Variants in AGMO observed in about 807,000 individuals in gnomAD.
AGMO encodes glyceryl-ether monooxygenase.
Under a neutral mutation model 60.2 loss-of-function variants are expected in AGMO, and 75 were observed. The observed-to-expected ratio is 1.25, with a 90% CI of 1.03 to 1.51. The LOEUF is 1.51. Among genes scored for constraint, AGMO ranks in the 40% most tolerant of loss-of-function variants. The pLI is 0.00. For missense variants in AGMO, 763 were observed against 525.5 expected (o/e 1.45, Z -4.42); for synonymous variants, 261 against 177.1 (o/e 1.47, Z -3.76).
chr7:15,459,855 T>A (rs1782098860), intron 3 of AGMO, among the ~76,000 whole-genome samples: 1 of 152,158 alleles, frequency 6.6e-6, no homozygotes, highest in Non-Finnish European at 1.5e-5. Context: ...GTCGCCTCAT[T>A]AATTACACTG....
intron 2 of AGMO, among the ~76,000 whole-genome samples, chr7:15,548,102 G>A (rs973364684): frequency 3.9e-4 from 60 of 152,122 alleles, no homozygotes; most frequent in Non-Finnish European, 6.5e-4. Context: ...TGCAGCTGAC[G>A]GTCATGTCTG....
chr7:15,390,521 A>AC, intron 8 of AGMO, 150 bp downstream of exon 8: 1 of 510,578 alleles, frequency 2.0e-6, no homozygotes, highest in Non-Finnish European at 3.4e-6. Context: ...TTGCTTGTGT[A>AC]ACAAAGAGTT....
intron 3 of AGMO, among the ~76,000 whole-genome samples, chr7:15,510,513 C>T (rs1783642491): frequency 6.8e-6 from 1 of 146,960 alleles, no homozygotes; most frequent in Admixed American, 7.1e-5. Flanking sequence ...AATAAAGATA[C>T]TGTGAGATGC....
chr7:15,366,328 C>A (rs1017080889), intron 10 of AGMO, 106 bp from the exon 11 acceptor site: 1 of 684,468 alleles, frequency 1.5e-6, no homozygotes, highest in African/African-American at 1.8e-5. Context: ...CCTGTTGCAC[C>A]ACTTGTCATT....
chr7:15,279,494 C>T (rs905793813), intron 12 of AGMO, among the ~76,000 whole-genome samples: 1 of 151,850 alleles, frequency 6.6e-6, no homozygotes, highest in African/African-American at 2.4e-5. Flanking sequence ...TTTTAATAAG[C>T]TTTTTCAAAA....
At chr7:15,234,509 C>A (rs897865231) in intron 12 of AGMO, among the ~76,000 whole-genome samples, 14 of 152,142 alleles carry the variant, frequency 9.2e-5, no homozygotes, top group African/African-American at 3.4e-4. Context: ...AATGACACAC[C>A]CACGTTTAAA....
chr7:15,550,085 G>T (rs1233717815), intron 2 of AGMO, among the ~76,000 whole-genome samples: 1 of 152,126 alleles, frequency 6.6e-6, no homozygotes, highest in Admixed American at 6.5e-5. Context: ...ATAACGAAAT[G>T]AAGGCAGAAA....
chr7:15,460,610 TGA>T, intron 3 of AGMO, among the ~76,000 whole-genome samples: 1 of 152,228 alleles, frequency 6.6e-6, no homozygotes, highest in Non-Finnish European at 1.5e-5. Flanking sequence ...AAGATATTAA[TGA>T]GATATAATAA....
chr7:15,241,264 T>C (rs1422945519), intron 12 of AGMO, among the ~76,000 whole-genome samples: 1 of 151,010 alleles, frequency 6.6e-6, no homozygotes, highest in Non-Finnish European at 1.5e-5. Flanking sequence ...ATCGAGACCA[T>C]CCTGGCTAAC....
chr7:15,123,640 A>G, the AGMO span, among the ~76,000 whole-genome samples: 1 of 152,078 alleles, frequency 6.6e-6, no homozygotes, highest in South Asian at 2.1e-4. Context: ...AGACCTGCTA[A>G]TCTCTTCTCT....
intron 4 of AGMO, among the ~76,000 whole-genome samples, chr7:15,429,396 C>T (rs771937467): frequency 2.0e-5 from 3 of 151,932 alleles, no homozygotes; most frequent in African/African-American, 4.8e-5. Flanking sequence ...ACAGGAAGAA[C>T]GCCATGTGAA....
chr7:15,326,450 A>T (rs1691877918), intron 12 of AGMO, among the ~76,000 whole-genome samples: 1 of 152,156 alleles, frequency 6.6e-6, no homozygotes, highest in Admixed American at 6.5e-5. Context: ...CATCACATAA[A>T]ATACACAGAC....
At chr7:15,417,902 T>C (rs1268331084) in intron 5 of AGMO, among the ~76,000 whole-genome samples, 1 of 152,168 alleles carries the variant, frequency 6.6e-6, no homozygotes, top group Non-Finnish European at 1.5e-5. Flanking sequence ...TAAGAATTTT[T>C]CTAGGTCTGT....
intron 3 of AGMO, among the ~76,000 whole-genome samples, chr7:15,442,593 C>G (rs1003687712): frequency 6.6e-6 from 1 of 152,086 alleles, no homozygotes; most frequent in Non-Finnish European, 1.5e-5. Flanking sequence ...CATGCTTGCT[C>G]TTTTTGTTTT....
At chr7:15,411,555 A>C (rs1583524011) in intron 5 of AGMO, among the ~76,000 whole-genome samples, 1 of 152,196 alleles carries the variant, frequency 6.6e-6, no homozygotes. Flanking sequence ...TTGTGTATTT[A>C]CAATATTCAT....
intron 12 of AGMO, among the ~76,000 whole-genome samples, chr7:15,311,294 T>C (rs751776512): frequency 1.2e-4 from 18 of 152,174 alleles, no homozygotes; most frequent in Admixed American, 3.9e-4. Context: ...TGAGGACATC[T>C]GTGCTCTAGT....
chr7:15,148,062 A>T, the AGMO span, among the ~76,000 whole-genome samples: 1 of 152,156 alleles, frequency 6.6e-6, no homozygotes, highest in African/African-American at 2.4e-5. Flanking sequence ...ATCAATTATT[A>T]ATAGTATTAA....
intron 12 of AGMO, among the ~76,000 whole-genome samples, chr7:15,266,141 GGAGTTATT>G (rs771474911): frequency 1.3e-5 from 2 of 151,938 alleles, no homozygotes; most frequent in Non-Finnish European, 2.9e-5. Flanking sequence ...AGAAGGAATG[GGAGTTATT>G]GTTTAATAGG....
chr7:15,270,844 G>C (rs1783584909), intron 12 of AGMO, among the ~76,000 whole-genome samples: 1 of 151,430 alleles, frequency 6.6e-6, no homozygotes, highest in Admixed American at 6.6e-5. Context: ...TTTGTAAATG[G>C]TGAGAAACAG....
Sources: allele counts gnomAD v4.1 joint callset (sites outside exome capture counted in the v4.1 genomes callset), GRCh38; gene constraint gnomAD v4.1.1; transcripts MANE v1.5; gene names NCBI Gene and HGNC (gene_info 2026-07-23, HGNC 2026-07-21).